Variants in SEMA6D observed in about 807,000 individuals in gnomAD.
The protein encoded by SEMA6D is semaphorin-6D.
In SEMA6D, 35 loss-of-function variants were observed where a neutral mutation model predicts 106.6. The ratio of observed to expected loss-of-function variants is 0.33; its 90% confidence interval spans 0.25 to 0.44. The LOEUF (loss-of-function observed/expected upper bound fraction) is 0.44. Ranked by LOEUF, SEMA6D falls within the 20% of genes least tolerant of loss-of-function variation. The probability of loss-of-function intolerance (pLI) is 1.00; values close to 1 mark genes in which losing one functional copy is unlikely to be tolerated. For missense variants in SEMA6D, 1,185 were observed against 1,345.9 expected, an observed-to-expected ratio of 0.88 and a Z score of 1.87; for synonymous variants, 499 against 487.7, an observed-to-expected ratio of 1.02 and a Z score of -0.31.
chr15:47,217,905 A>ACACG lies in SEMA6D; in HGVS notation c.-239+33488_-239+33489insACGC, dbSNP rs879678442. On this transcript the variant is annotated intron_variant, in intron 1 of 19. Coordinates refer to the SEMA6D transcript ENST00000558014. ...CACACACACACACACACACACACACACTTTTATAAAGTATCCCTTAGCTAA... is the reference window on the plus strand; with the variant it reads ...CACACACACACACACACACACACACACACGCTTTTATAAAGTATCCCTTAGCTAA... Among the ~76,000 whole-genome samples the ACACG allele has an allele frequency of 3.8e-3, 577 of 149,938 alleles. 23 individuals are homozygous for ACACG. Among genetic ancestry groups the ACACG allele is most frequent in the Admixed American group, 0.035 (526 of 15,066 alleles).
At chr15:47,293,076 G>A (rs939975098) in intron 1 of SEMA6D, among the ~76,000 whole-genome samples, 6 of 152,276 alleles carry the variant, frequency 3.9e-5, no homozygotes, top group Middle Eastern at 3.4e-3. Flanking sequence ...TTGGAAAAAT[G>A]TCTAATTTGG....
intron 4 of SEMA6D, among the ~76,000 whole-genome samples, chr15:47,647,697 G>T (rs865908825): frequency 6.7e-6 from 1 of 149,490 alleles, no homozygotes; most frequent in East Asian, 1.9e-4. Flanking sequence ...TTTACAACAG[G>T]CATGCCCAAT....
chr15:47,405,931 A>T (rs1254774335), intron 1 of SEMA6D, among the ~76,000 whole-genome samples: 1 of 152,232 alleles, frequency 6.6e-6, no homozygotes, highest in Non-Finnish European at 1.5e-5. Flanking sequence ...ATGCATATGT[A>T]TGCAGAGCCA....
intron 4 of SEMA6D, among the ~76,000 whole-genome samples, chr15:47,632,064 G>A (rs915545469): frequency 6.6e-6 from 1 of 151,712 alleles, no homozygotes; most frequent in African/African-American, 2.4e-5. Context: ...GAAGTGTGTT[G>A]TTTAATTTTC....
chr15:47,365,942 GA>G (rs2039012387), intron 1 of SEMA6D, among the ~76,000 whole-genome samples: 1 of 145,474 alleles, frequency 6.9e-6, no homozygotes, highest in Admixed American at 6.9e-5. Flanking sequence ...GAAAGAGAAA[GA>G]AAGAAAGATA....
chr15:47,195,812 C>T (rs74013739), intron 1 of SEMA6D, among the ~76,000 whole-genome samples: 2 of 152,238 alleles, frequency 1.3e-5, no homozygotes, highest in Non-Finnish European at 2.9e-5. Context: ...AGGGTGGACA[C>T]GATGTCTTGT....
chr15:47,638,013 A>G (rs1421602992), intron 4 of SEMA6D, among the ~76,000 whole-genome samples: 1 of 152,194 alleles, frequency 6.6e-6, no homozygotes, highest in African/African-American at 2.4e-5. Flanking sequence ...GTATAAGCAG[A>G]TTTGACCAAA....
chr15:47,642,308 C>T (rs973061293), intron 4 of SEMA6D, among the ~76,000 whole-genome samples: 2 of 152,272 alleles, frequency 1.3e-5, no homozygotes, highest in Middle Eastern at 3.4e-3. Context: ...CAGCCCTTTG[C>T]TTTTACAGAT....
intron 4 of SEMA6D, among the ~76,000 whole-genome samples, chr15:47,626,265 C>T (rs1231671090): frequency 6.6e-6 from 1 of 152,162 alleles, no homozygotes; most frequent in Non-Finnish European, 1.5e-5. Context: ...TGTCCAAGGA[C>T]AGAAGAGCAG....
intron 3 of SEMA6D, among the ~76,000 whole-genome samples, chr15:47,500,122 T>C (rs1773449274): frequency 6.6e-6 from 1 of 152,160 alleles, no homozygotes; most frequent in South Asian, 2.1e-4. Context: ...GGGATGCTAG[T>C]AGAATGACCC....
intron 4 of SEMA6D, among the ~76,000 whole-genome samples, chr15:47,637,460 A>T (rs57257803): frequency 0.017 from 2,571 of 152,198 alleles, 70 homozygotes; most frequent in African/African-American, 0.058. Context: ...CTGATAGAGG[A>T]TACACTTTTT....
rs532477136 is a variant in SEMA6D at position 47,338,178 on chromosome 15, T to C, written c.-238-74215T>C. On this transcript the variant is annotated intron_variant, in intron 1 of 19. Coordinates refer to the SEMA6D transcript ENST00000558014. ...ATGTCCCTTCCAAAGGGGAAAAAGT[T>C]TGGGTGTTAACGGAGAGAAGGAGAA... Among the ~76,000 whole-genome samples, 3 of 152,280 alleles carry C rather than the reference T, an allele frequency of 2.0e-5. No individual in the cohort carries two copies. The East Asian group carries it at 5.8e-4, about 29-fold the overall frequency.
chr15:47,510,034 TCTC>T (rs1413693605), intron 3 of SEMA6D, among the ~76,000 whole-genome samples: 2 of 152,132 alleles, frequency 1.3e-5, no homozygotes, highest in Admixed American at 1.3e-4. Flanking sequence ...TCTCTTTCCT[TCTC>T]CTTCATAAAT....
intron 3 of SEMA6D, among the ~76,000 whole-genome samples, chr15:47,534,761 C>T (rs1311337291): frequency 6.6e-6 from 1 of 152,000 alleles, no homozygotes; most frequent in Non-Finnish European, 1.5e-5. Flanking sequence ...TTTGCTCTAT[C>T]TCATGCTCCC....
At chr15:47,760,227 T>C (rs2081986682) in intron 2 of SEMA6D, 77 bp from the exon 3 acceptor site, 2 of 988,108 alleles carry the variant, frequency 2.0e-6, no homozygotes, top group Non-Finnish European at 1.6e-6. Flanking sequence ...AACAAGTATA[T>C]ACAGCTAATC....
chr15:47,765,128 T>A, intron 13 of SEMA6D, 72 bp downstream of exon 13: 1 of 1,551,086 alleles, frequency 6.4e-7, no homozygotes, highest in Non-Finnish European at 8.7e-7. Flanking sequence ...TCTAGTCATG[T>A]CCTTTTGGTC....
intron 1 of SEMA6D, among the ~76,000 whole-genome samples, chr15:47,340,285 A>G (rs556179902): frequency 6.6e-5 from 10 of 152,240 alleles, no homozygotes; most frequent in African/African-American, 2.4e-4. Context: ...AGCCATGTAA[A>G]CCATTCTTCA....
chr15:47,766,515 A>G, intron 15 of SEMA6D, 101 bp from the exon 16 acceptor site: 2 of 984,374 alleles, frequency 2.0e-6, no homozygotes, highest in Non-Finnish European at 3.1e-6. Flanking sequence ...CTCTCTGCCC[A>G]TTCTTACTAA....
intron 3 of SEMA6D, among the ~76,000 whole-genome samples, chr15:47,547,739 C>T (rs879517141): frequency 1.3e-5 from 2 of 152,120 alleles, no homozygotes; most frequent in African/African-American, 4.8e-5. Flanking sequence ...AAACCAGCCA[C>T]GTTGGCCTAA....
Sources: allele counts gnomAD v4.1 joint callset (sites outside exome capture counted in the v4.1 genomes callset), GRCh38; gene constraint gnomAD v4.1.1; transcripts MANE v1.5; gene names NCBI Gene and HGNC (gene_info 2026-07-23, HGNC 2026-07-21).